KCTD9: variants seen among roughly 807,000 people sequenced by gnomAD.
The protein encoded by KCTD9 is potassium channel tetramerization domain containing 9.
Under a neutral mutation model 53.3 loss-of-function variants are expected in KCTD9, and 17 were observed. The observed-to-expected ratio is 0.32, with a 90% CI of 0.22 to 0.48. KCTD9 has a LOEUF of 0.48. Among genes scored for constraint, KCTD9 ranks in the 20% least tolerant of loss-of-function variants. KCTD9 has a pLI of 0.99. For synonymous variants in KCTD9, 128 were observed against 162.7 expected (o/e 0.79, Z 1.62); for missense variants, 179 against 465.5 (o/e 0.38, Z 5.66).
chr8:25,430,808 T>TACACACAC lies in KCTD9; in HGVS notation c.1054-843_1054-836dup, dbSNP rs139075991. 3.1e-3 allele frequency among the ~76,000 whole-genome samples: 448 copies of TACACACAC among 145,572 alleles called. 1 individual carries two copies. Among genetic ancestry groups the TACACACAC allele is most frequent in the African/African-American group, 0.01 (400 of 39,044 alleles). ...ACAGAATGGATTCCAACATAATAAA[T>TACACACAC]ACACACACACACACACACACACACA... On this transcript the variant is annotated intron_variant, in intron 11 of 11. Coordinates refer to ENST00000221200, the MANE Select transcript of KCTD9 (RefSeq NM_017634.4).
chr8:25,453,747 A>G (rs759552877), intron 1 of KCTD9, among the ~76,000 whole-genome samples: 1 of 152,182 alleles, frequency 6.6e-6, no homozygotes, highest in African/African-American at 2.4e-5. Context: ...ACAGGAGTAC[A>G]GGAACGTGGA....
At chr8:25,456,570 A>G (rs1802438252) in intron 1 of KCTD9, among the ~76,000 whole-genome samples, 1 of 152,186 alleles carries the variant, frequency 6.6e-6, no homozygotes, top group Admixed American at 6.5e-5. Flanking sequence ...ACGTTGTAAC[A>G]TAAACATATT....
At chr8:25,439,546 A>C in intron 5 of KCTD9, 60 bp downstream of exon 5, 2 of 1,596,334 alleles carry the variant, frequency 1.3e-6, no homozygotes, top group East Asian at 2.2e-5. Context: ...CAGGAGTTAT[A>C]AAGTCAGCAC....
intron 9 of KCTD9, 78 bp from the exon 10 acceptor site, chr8:25,433,513 A>G: frequency 4.7e-6 from 3 of 643,046 alleles, no homozygotes; most frequent in Non-Finnish European, 7.6e-6. Flanking sequence ...AAAGAAAAAA[A>G]ATAGAAAAGA....
chr8:25,439,154 A>C (rs1802072149), intron 6 of KCTD9, 125 bp downstream of exon 6: 1 of 777,996 alleles, frequency 1.3e-6, no homozygotes, highest in Non-Finnish European at 1.9e-6. Context: ...AGTTTAAAAA[A>C]TAGAAAAAAT....
At chr8:25,456,691 A>G (rs1360751296) in intron 1 of KCTD9, among the ~76,000 whole-genome samples, 1 of 152,200 alleles carries the variant, frequency 6.6e-6, no homozygotes, top group African/African-American at 2.4e-5. Flanking sequence ...TCAAAACTAG[A>G]TAGCTTAAAA....
intron 1 of KCTD9, chr8:25,450,514 A>C (rs908582873): frequency 2.1e-6 from 2 of 932,914 alleles, no homozygotes; most frequent in African/African-American, 3.6e-5. Context: ...CACAGTATAA[A>C]TGCAATTCTA....
At chr8:25,438,304 CTTTT>C (rs34836158) in intron 6 of KCTD9, among the ~76,000 whole-genome samples, 6 of 139,262 alleles carry the variant, frequency 4.3e-5, no homozygotes, top group Admixed American at 7.2e-5. Context: ...CAAATAATAT[CTTTT>C]TTTTTTTTTT....
chr8:25,435,563 T>C (rs1250194879), intron 8 of KCTD9, 51 bp from the exon 9 acceptor site: 15 of 1,508,366 alleles, frequency 9.9e-6, no homozygotes, highest in Non-Finnish European at 1.3e-5. Flanking sequence ...TCTGTTTGTA[T>C]TAAATTTAAT....
intron 3 of KCTD9, 123 bp downstream of exon 3, chr8:25,444,169 G>A: frequency 1.2e-6 from 1 of 828,448 alleles, no homozygotes; most frequent in Non-Finnish European, 1.9e-6. Context: ...AAAGTGTGAA[G>A]ATTTGAATAC....
chr8:25,437,067 T>TA (rs1363791210), intron 6 of KCTD9, among the ~76,000 whole-genome samples: 1 of 152,170 alleles, frequency 6.6e-6, no homozygotes, highest in African/African-American at 2.4e-5. Flanking sequence ...GGAAGAATAA[T>TA]ACAATCTTTT....
rs190388232 is a variant in KCTD9, at chr8:25,451,017, C to T, written c.49-4767G>A. Reference sequence around the variant, plus strand: ...AGAGAAAACAGAATTAAAATTAATACGAAGAATCTTATAGTTCTAGAAATT... The same window carrying T: ...AGAGAAAACAGAATTAAAATTAATATGAAGAATCTTATAGTTCTAGAAATT... On this transcript the variant is annotated intron_variant, in intron 1 of 11. Transcript: ENST00000221200. 2.9e-3 allele frequency among the ~76,000 whole-genome samples: 447 copies of T among 152,242 alleles called. 5 individuals carry two copies. Among genetic ancestry groups the T allele is most frequent in the Non-Finnish European group, 2.5e-3 (167 of 68,014 alleles).
At chr8:25,456,887 A>T (rs1802447308) in intron 1 of KCTD9, among the ~76,000 whole-genome samples, 1 of 152,212 alleles carries the variant, frequency 6.6e-6, no homozygotes, top group Admixed American at 6.5e-5. Flanking sequence ...TTTTTGAGAA[A>T]TATTACCAAT....
rs1291945174 is a variant in KCTD9 at position 25,439,388 on chromosome 8, T to C, written c.390A>G (p.Gln130=). The part of the protein sequence containing the change: ...FKDKGVWGNK[Q]DHRGAFLIDR... ...CAATTAAGAAAGCTCCTCTATGATC[T>C]TGCTTATTTCCCCAGACACCTGTGT... Residue 130 remains glutamine (Q), a synonymous_variant, in exon 6 of 12, where the codon CAA becomes CAG. Transcript: ENST00000221200. 1.9e-6 allele frequency: 3 copies of C among 1,611,944 alleles called. No individual in the cohort carries two copies. The highest frequency in any genetic ancestry group is 2.2e-5 in the East Asian group (1 of 44,842).
intron 5 of KCTD9, 84 bp from the exon 6 acceptor site, chr8:25,439,491 A>G (rs1050351542): frequency 1.3e-6 from 2 of 1,561,198 alleles, no homozygotes; most frequent in African/African-American, 1.4e-5. Context: ...GCTAAATATA[A>G]GTTTTTACTC....
chr8:25,432,721 G>T, intron 10 of KCTD9, 84 bp from the exon 11 acceptor site: 1 of 1,231,402 alleles, frequency 8.1e-7, no homozygotes, highest in Non-Finnish European at 1.1e-6. Context: ...ACTTAATGGA[G>T]GCCTCTTTTA....
chr8:25,446,063 G>C, intron 2 of KCTD9, 66 bp downstream of exon 2: 4 of 1,571,426 alleles, frequency 2.5e-6, no homozygotes, highest in Non-Finnish European at 3.5e-6. Context: ...TACTGCTTAA[G>C]GGAAACAGCA....
chr8:25,434,426 G>A lies in KCTD9; in HGVS notation c.813+937C>T, dbSNP rs376953505. On this transcript the variant is annotated intron_variant, in intron 9 of 11. Coordinates refer to ENST00000221200, the MANE Select transcript of KCTD9 (RefSeq NM_017634.4). ...AAATTATGTTCATTTATCTCAAAGC[G>A]TTTTTGACAAACATCTTTTTTTTTT... Among the ~76,000 whole-genome samples, 11 of 143,548 alleles carry A rather than the reference G, an allele frequency of 7.7e-5. No homozygotes were observed. The South Asian group carries it at 9.0e-4, about 12-fold the overall frequency. The allele number at this position is 143,548 out of a possible 152,430, so 94.2% of individuals were successfully genotyped here.
At chr8:25,433,874 A>T (rs1414544158) in intron 9 of KCTD9, among the ~76,000 whole-genome samples, 4 of 152,100 alleles carry the variant, frequency 2.6e-5, no homozygotes, top group Non-Finnish European at 2.9e-5. Context: ...TTCTAAGTGA[A>T]ATTCTTGATA....
Sources: allele counts gnomAD v4.1 joint callset (sites outside exome capture counted in the v4.1 genomes callset), GRCh38; gene constraint gnomAD v4.1.1; transcripts MANE v1.5; gene names NCBI Gene and HGNC (gene_info 2026-07-23, HGNC 2026-07-21).